The following CEP83 variants were observed in gnomAD, a reference collection of about 807,000 sequenced individuals.
The protein encoded by CEP83 is centrosomal protein 83, also known as centrosomal protein of 83 kDa.
CEP83 carries 70 observed loss-of-function variants against 101.9 expected under a neutral mutation model. That is an observed-to-expected ratio of 0.69 (90% CI 0.57 to 0.84). CEP83 has a LOEUF of 0.84. Among genes scored for constraint, CEP83 ranks in the 40% least tolerant of loss-of-function variants. The pLI is 0.00. For synonymous variants in CEP83, 264 were observed against 267.9 expected (o/e 0.99, Z 0.14); for missense variants, 715 against 787.2 (o/e 0.91, Z 1.10).
At chr12:94,396,923 T>A (rs2062936880) in intron 6 of CEP83, among the ~76,000 whole-genome samples, 1 of 152,222 alleles carries the variant, frequency 6.6e-6, no homozygotes, top group African/African-American at 2.4e-5. Context: ...TCAAACTAAA[T>A]TTGTTGTTTC....
rs200161629 is a variant in CEP83 at position 94,378,988 on chromosome 12, C to G, written c.604G>C (p.Asp202His). ...EELRNQLLNV[D>H]LTKDSKRVEQ... ...ACTCGTTTGCTGTCTTTTGTGAGAT[C>G]AACATTAAGCAGCTGGTTACGTAGT... The change falls in exon 7 of 17, where the codon GAT becomes CAT. Residue 202 changes from aspartate (D) to histidine (H), a missense_variant. Asp to His is a moderately conservative substitution (Grantham distance 81, BLOSUM62 -1). Transcript: ENST00000397809. The G allele has an allele frequency of 8.0e-5, 129 of 1,613,250 alleles. No individual in the cohort carries two copies. Among genetic ancestry groups the G allele is most frequent in the Non-Finnish European group, 1.1e-4 (127 of 1,179,422 alleles).
At chr12:94,346,209 C>T (rs1172721624) in intron 11 of CEP83, among the ~76,000 whole-genome samples, 1 of 152,062 alleles carries the variant, frequency 6.6e-6, no homozygotes, top group African/African-American at 2.4e-5. Context: ...GCCACCACGC[C>T]CAACTAATTT....
chr12:94,394,640 T>A (rs1469697939), intron 6 of CEP83, among the ~76,000 whole-genome samples: 1 of 152,088 alleles, frequency 6.6e-6, no homozygotes, highest in East Asian at 1.9e-4. Flanking sequence ...CTAATTTAAC[T>A]AAAGAGCTTC....
In CEP83 at chr12:94,331,814, T is replaced by C. The variant is rs367875960; in HGVS notation, c.1593A>G (p.Lys531=). ...GCTTTTCTTCCAACCACTGTATCTG[T>C]TTCTCTTCCAATGTCCTGTCAGAAG... ...QLEAEKTLEE[K]QIQWLEEKHK... Residue 531 remains lysine, a synonymous_variant, in exon 14 of 17, where the codon AAA becomes AAG. Transcript: ENST00000397809. 1.2e-5 allele frequency: 19 copies of C among 1,612,810 alleles called. No homozygotes were observed. The highest frequency in any genetic ancestry group is 1.4e-5 in the Non-Finnish European group (17 of 1,178,902).
At chr12:94,346,392 G>A (rs993393639) in intron 11 of CEP83, among the ~76,000 whole-genome samples, 2 of 148,742 alleles carry the variant, frequency 1.3e-5, no homozygotes, top group African/African-American at 5.0e-5. Context: ...TATCCGCAGT[G>A]AGCTGAGATC....
chr12:94,307,254 T>TAAGC (rs1454296242), downstream of CEP83: 1 of 152,220 alleles, frequency 6.6e-6, no homozygotes, highest in African/African-American at 2.4e-5. Flanking sequence ...ATAATATTTC[T>TAAGC]AAGCTACCTC....
chr12:94,282,456 T>C, the CEP83 span: 5 of 1,163,888 alleles, frequency 4.3e-6, no homozygotes, highest in Non-Finnish European at 6.4e-6. Flanking sequence ...CCTAGTCCCA[T>C]GGACATTCTT....
intron 2 of CEP83, among the ~76,000 whole-genome samples, chr12:94,420,939 C>T (rs1285716043): frequency 1.3e-5 from 2 of 151,996 alleles, no homozygotes; most frequent in East Asian, 1.9e-4. Flanking sequence ...AGGCTAGTAA[C>T]GTTCTACTTC....
rs563818905 is a variant in CEP83, at chr12:94,400,863, T to G, written c.536A>C (p.Lys179Thr). The change falls in exon 6 of 17, where the codon AAA (lysine) becomes ACA (threonine). Residue 179 changes from lysine (K) to threonine (T), a missense_variant. Physicochemically the swap from Lys to Thr is moderately conservative, Grantham distance 78. Transcript: ENST00000397809. ...YARILDEGKI[K>T]YESEIARLEE... ...TCAATCACTTACCTCTGATTCATAT[T>G]TTATTTTTCCTTCATCTAAAATACG... The G allele has an allele frequency of 6.8e-7, 1 of 1,475,580 alleles. No homozygotes were observed. The highest frequency in any genetic ancestry group is 2.5e-5 in the East Asian group (1 of 39,562). The allele number at this position is 1,475,580 out of a possible 1,614,324, so 91.4% of individuals were successfully genotyped here. A position where few individuals can be genotyped will look rare whatever the true frequency, so the allele number is the denominator to read the frequency against.
downstream of CEP83, among the ~76,000 whole-genome samples, chr12:94,303,181 A>G (rs1968643186): frequency 6.6e-6 from 1 of 152,204 alleles, no homozygotes; most frequent in South Asian, 2.1e-4. Flanking sequence ...CCTCTGCAAA[A>G]TCACACATCA....
chr12:94,294,719 A>T, the CEP83 span, among the ~76,000 whole-genome samples: 1 of 152,162 alleles, frequency 6.6e-6, no homozygotes, highest in African/African-American at 2.4e-5. Context: ...TCCCTGCAAG[A>T]AGGAAAGGAA....
chr12:94,328,713 G>A (rs1173466655), intron 14 of CEP83, among the ~76,000 whole-genome samples: 3 of 152,164 alleles, frequency 2.0e-5, no homozygotes, highest in South Asian at 2.1e-4. Flanking sequence ...CATAAGAAAC[G>A]ACTCATATGG....
chr12:94,434,698 T>C (rs1221493793), intron 2 of CEP83, among the ~76,000 whole-genome samples: 2 of 152,230 alleles, frequency 1.3e-5, no homozygotes, highest in African/African-American at 2.4e-5. Context: ...AATATTTGCA[T>C]GTACATAATG....
intron 15 of CEP83, among the ~76,000 whole-genome samples, chr12:94,311,065 G>GT (rs1354736752): frequency 1.3e-5 from 2 of 152,150 alleles, no homozygotes; most frequent in African/African-American, 4.8e-5. Flanking sequence ...ATCTGGGAAG[G>GT]TAAAGGACTA....
the CEP83 span, among the ~76,000 whole-genome samples, chr12:94,275,572 G>GAGCACTAAGTGTTA: frequency 2.1e-5 from 3 of 143,858 alleles, no homozygotes; most frequent in East Asian, 2.1e-4. Flanking sequence ...ACTGCTGTTT[G>GAGCACTAAGTGTTA]GCCGGGCGCG....
the CEP83 span, among the ~76,000 whole-genome samples, chr12:94,275,763 G>A: frequency 1.2e-4 from 15 of 125,068 alleles, 2 homozygotes; most frequent in Admixed American, 1.3e-3. Context: ...GCTGAGGCAG[G>A]AGAATGGCGT....
intron 11 of CEP83, among the ~76,000 whole-genome samples, chr12:94,338,490 G>C (rs567789605): frequency 6.6e-6 from 1 of 152,232 alleles, no homozygotes; most frequent in East Asian, 1.9e-4. Context: ...GCAGGAGAGA[G>C]GAAGGAAAAG....
At chr12:94,318,803 A>T (rs1052335357) in intron 14 of CEP83, among the ~76,000 whole-genome samples, 2 of 152,122 alleles carry the variant, frequency 1.3e-5, no homozygotes, top group African/African-American at 4.8e-5. Context: ...GTGCTACTGG[A>T]TTCGGTTTGT....
chr12:94,425,905 G>A (rs536229862), intron 2 of CEP83, among the ~76,000 whole-genome samples: 3 of 152,090 alleles, frequency 2.0e-5, no homozygotes, highest in Admixed American at 6.5e-5. Context: ...CGGATCACGA[G>A]GTCAGGAGCT....
Sources: allele counts gnomAD v4.1 joint callset (sites outside exome capture counted in the v4.1 genomes callset), GRCh38; gene constraint gnomAD v4.1.1; transcripts MANE v1.5; gene names NCBI Gene and HGNC (gene_info 2026-07-23, HGNC 2026-07-21).